Variants in GPSM1 observed in about 807,000 individuals in gnomAD.
The protein encoded by GPSM1 is G protein-signaling modulator 1.
Under a neutral mutation model 70.5 loss-of-function variants are expected in GPSM1, and 48 were observed. The ratio of observed to expected loss-of-function variants is 0.68; its 90% CI spans 0.54 to 0.87. The LOEUF is 0.87. Ranked by LOEUF, GPSM1 falls within the 40% of genes least tolerant of loss-of-function variation. The probability of loss-of-function intolerance (pLI) is 0.00; values close to 1 mark genes in which losing one functional copy is unlikely to be tolerated. For synonymous variants in GPSM1, 416 were observed against 430.1 expected (o/e 0.97, Z 0.41); for missense variants, 981 against 972.6 (o/e 1.01, Z -0.11).
chr9:136,331,514 C>T (rs1349374241), intron 1 of GPSM1, among the ~76,000 whole-genome samples: 1 of 152,202 alleles, frequency 6.6e-6, no homozygotes, highest in African/African-American at 2.4e-5. Flanking sequence ...AGAATTCCAG[C>T]TTTGCCCAGC....
chr9:136,339,804 A>G lies in GPSM1; in HGVS notation c.1072A>G (p.Ile358Val), dbSNP rs199771282. The G allele has an allele frequency of 8.2e-5, 127 of 1,540,034 alleles. No homozygotes were observed. In the East Asian group the frequency reaches 2.0e-3, roughly 24 times the overall value. The change falls in exon 8 of 14, where the codon ATC becomes GTC. Residue 358 changes from isoleucine to valine, a missense_variant. Coordinates refer to ENST00000440944, the MANE Select transcript of GPSM1 (RefSeq NM_001145638.3). ...GACCTTCGCCAAGAAGCACCTGCAG[A>G]TCTCCCAGGAGGTGAGCCAGGCCTG... ...ALTFAKKHLQ[I>V]SQEIGDRHGE...
chr9:136,344,238 G>A (rs1208189753), intron 9 of GPSM1, among the ~76,000 whole-genome samples: 1 of 149,760 alleles, frequency 6.7e-6, no homozygotes, highest in East Asian at 2.0e-4. Context: ...GAAGCGGGGT[G>A]GGGCGCAGAC....
At chr9:136,352,673 C>A (rs1183959364) in intron 11 of GPSM1, among the ~76,000 whole-genome samples, 1 of 152,220 alleles carries the variant, frequency 6.6e-6, no homozygotes, top group Non-Finnish European at 1.5e-5. Context: ...GGACAGCAAC[C>A]CGCCCAGGTC....
intron 1 of GPSM1, among the ~76,000 whole-genome samples, chr9:136,330,618 G>C (rs1832077876): frequency 6.6e-6 from 1 of 152,344 alleles, no homozygotes; most frequent in South Asian, 2.1e-4. Flanking sequence ...TGTCTGGCTG[G>C]GGGATGGGGC....
At position 136,335,946 on chromosome 9, in the gene GPSM1, C is replaced by T. The variant is rs1395677494; in HGVS notation, c.291-20C>T. ...CTGACCAGTCCTCAGCCTGACCCCT[C>T]ACTCCTCCCTGCCATCCAGGACCAT... On this transcript the variant is annotated intron_variant, in intron 2 of 13. Transcript: ENST00000440944. 3 of 1,610,422 alleles carry T rather than the reference C, an allele frequency of 1.9e-6. No homozygotes were observed. Among genetic ancestry groups the T allele is most frequent in the South Asian group, 1.1e-5 (1 of 90,670 alleles).
At chr9:136,347,882 C>A (rs1012275883) in intron 9 of GPSM1, among the ~76,000 whole-genome samples, 1 of 152,214 alleles carries the variant, frequency 6.6e-6, no homozygotes. Flanking sequence ...CTGAGCGACA[C>A]CCGTCTCTGC....
chr9:136,337,757 G>A (rs189153869), intron 5 of GPSM1, 89 bp from the exon 6 acceptor site: 7 of 1,125,558 alleles, frequency 6.2e-6, no homozygotes, highest in Admixed American at 5.8e-5. Flanking sequence ...TCTCTGGCCG[G>A]CCACCTGGGC....
chr9:136,334,807 G>C, intron 2 of GPSM1, 139 bp downstream of exon 2: 1 of 717,710 alleles, frequency 1.4e-6, no homozygotes, highest in South Asian at 1.7e-5. Flanking sequence ...GGGTGAGTGG[G>C]GATGGCCCTG....
At chr9:136,346,190 C>T (rs782116581) in intron 9 of GPSM1, among the ~76,000 whole-genome samples, 5 of 152,176 alleles carry the variant, frequency 3.3e-5, no homozygotes, top group African/African-American at 7.2e-5. Context: ...GGTGTGTCCT[C>T]GGAGCCCAGA....
chr9:136,352,516 A>G (rs1326789080), intron 11 of GPSM1, among the ~76,000 whole-genome samples: 1 of 152,216 alleles, frequency 6.6e-6, no homozygotes, highest in African/African-American at 2.4e-5. Flanking sequence ...GGCTGGAGAC[A>G]GTGTAGGTCC....
rs1564355310 is a variant in GPSM1 at position 136,352,198 on chromosome 9, ATGCTGCGCC to A, written c.1455+2436_1455+2444del. Among the ~76,000 whole-genome samples, 6 of 26,230 alleles carry A rather than the reference ATGCTGCGCC, an allele frequency of 2.3e-4. 1 individual carries two copies. Among genetic ancestry groups the A allele is most frequent in the East Asian group, 6.7e-3 (2 of 298 alleles). The allele number at this position is 26,230 out of a possible 152,430, so 17.2% of individuals were successfully genotyped here. A position where few individuals can be genotyped will look rare whatever the true frequency, so the allele number is the denominator to read the frequency against. ...TGCGCCGTTGCTGTTGGTGACACCG[ATGCTGCGCC>A]GTTGCTGTTGGTGACACCGATGCTG... On this transcript the variant is annotated intron_variant, in intron 11 of 13. Coordinates refer to ENST00000440944, the MANE Select transcript of GPSM1 (RefSeq NM_001145638.3).
At chr9:136,354,709 G>A (rs1328286220) in intron 11 of GPSM1, 14 of 577,076 alleles carry the variant, frequency 2.4e-5, no homozygotes, top group African/African-American at 4.0e-5. Flanking sequence ...GGCCACAGGA[G>A]ACCACGCCCT....
rs941384200 is a variant in GPSM1 at position 136,338,728 on chromosome 9, C to T, written c.974+18C>T. ...GCCGACAGGTGCGTGGGCGCGGACG[C>T]GGCGGGCAGACCCGGCCCGGCCCAC... On this transcript the variant is annotated intron_variant, in intron 7 of 13. Transcript: ENST00000440944. The T allele has an allele frequency of 2.5e-5, 38 of 1,534,266 alleles. 1 individual carries two copies. Among genetic ancestry groups the T allele is most frequent in the Admixed American group, 4.0e-5 (2 of 50,566 alleles).
chr9:136,328,804 A>C (rs2131388828), intron 1 of GPSM1, among the ~76,000 whole-genome samples: 1 of 152,070 alleles, frequency 6.6e-6, no homozygotes, highest in East Asian at 1.9e-4. Flanking sequence ...CACGCAGGGG[A>C]GGGGCGTGAG....
At chr9:136,331,155 C>G (rs150385280) in intron 1 of GPSM1, among the ~76,000 whole-genome samples, 1 of 152,156 alleles carries the variant, frequency 6.6e-6, no homozygotes, top group African/African-American at 2.4e-5. Flanking sequence ...AGAAGGACGC[C>G]GGGGGCTTGG....
In GPSM1 at chr9:136,336,990, A is replaced by C; in HGVS notation, c.496A>C (p.Asn166His). 1 of 1,553,800 alleles carries C rather than the reference A, an allele frequency of 6.4e-7. No homozygotes were observed. The highest frequency in any genetic ancestry group is 1.2e-5 in the South Asian group (1 of 84,228). The change falls in exon 4 of 14, where the codon AAC (asparagine) becomes CAC (histidine). Residue 166 changes from asparagine to histidine, a missense_variant. Transcript: ENST00000440944. The part of the protein sequence containing the change: ...YHAKGKQLSW[N>H]AANATQDPGH... ...CGCCAAAGGCAAGCAACTGTCCTGG[A>C]ACGCCGCAAACGCCACGCAGGACCC...
At chr9:136,350,824 T>G (rs1554771949) in intron 11 of GPSM1, among the ~76,000 whole-genome samples, 1 of 151,240 alleles carries the variant, frequency 6.6e-6, no homozygotes. Flanking sequence ...GCGGGAGGGG[T>G]GGGGCAGTTG....
At chr9:136,337,369 C>T in intron 4 of GPSM1, 72 bp from the exon 5 acceptor site, 3 of 1,541,208 alleles carry the variant, frequency 1.9e-6, no homozygotes, top group South Asian at 2.4e-5. Context: ...GGCCGCTACT[C>T]AGCTCTTCTA....
rs1832403575 is a variant in GPSM1 at position 136,342,030 on chromosome 9, C to T, written c.1207+1037C>T. On this transcript the variant is annotated intron_variant, in intron 9 of 13. Transcript: ENST00000440944. This position sits in a 1 kb window ranked among gnomAD's most constrained non-coding sequence, Gnocchi z 5.5. ...TGGGAAATTGGGGGTGCATGTCAGCCACCGCAGAGGCTGAAGACAGAGGAA... is the reference window on the plus strand; with the variant it reads ...TGGGAAATTGGGGGTGCATGTCAGCTACCGCAGAGGCTGAAGACAGAGGAA... Among the ~76,000 whole-genome samples, 1 of 152,116 alleles carries T rather than the reference C, an allele frequency of 6.6e-6. No individual in the cohort carries two copies. The highest frequency in any genetic ancestry group is 6.6e-5 in the Admixed American group (1 of 15,266).
Sources: gnomAD v4.1 joint callset for allele counts (sites outside exome capture counted in the v4.1 genomes callset) on GRCh38, gnomAD v4.1.1 for gene constraint, Gnocchi (gnomAD v3.1) non-coding constraint, MANE v1.5 for transcripts, NCBI Gene and HGNC (gene_info 2026-07-23, HGNC 2026-07-21) for gene names.